DPP6: variants seen among roughly 807,000 people sequenced by gnomAD.
The protein encoded by DPP6 is dipeptidyl peptidase like 6.
Under a neutral mutation model 122.6 loss-of-function variants are expected in DPP6, and 69 were observed. That is an observed-to-expected ratio of 0.56 (90% confidence interval 0.46 to 0.69). DPP6 has a LOEUF of 0.69. DPP6 is among the 30% of genes least tolerant of loss of function. The pLI is 0.00. For synonymous variants in DPP6, 418 were observed against 433.1 expected, an observed-to-expected ratio of 0.97 and a Z score of 0.43; for missense variants, 928 against 1,116.9, an observed-to-expected ratio of 0.83 and a Z score of 2.41.
chr7:154,117,075 A>G (rs1214267358), intron 1 of DPP6, among the ~76,000 whole-genome samples: 1 of 151,854 alleles, frequency 6.6e-6, no homozygotes, highest in East Asian at 1.9e-4. Context: ...TACAAATTAA[A>G]AGAATTTCTT....
At chr7:154,151,639 C>T (rs989268707) in intron 1 of DPP6, among the ~76,000 whole-genome samples, 3 of 152,290 alleles carry the variant, frequency 2.0e-5, no homozygotes, top group African/African-American at 7.2e-5. Context: ...CCCTTGCCCT[C>T]CCTCAGGGAC....
the DPP6 span, among the ~76,000 whole-genome samples, chr7:153,769,162 G>A: frequency 9.1e-4 from 138 of 152,306 alleles, no homozygotes; most frequent in Middle Eastern, 3.4e-3. Context: ...GTAATTATGA[G>A]TTTTTGCTGA....
At chr7:153,881,085 A>C in the DPP6 span, among the ~76,000 whole-genome samples, 17 of 152,324 alleles carry the variant, frequency 1.1e-4, 1 homozygote, top group Admixed American at 9.8e-4. Flanking sequence ...AGTATAGTGG[A>C]AGAGGCAGCA....
chr7:154,376,854 C>T (rs944615575), intron 1 of DPP6, among the ~76,000 whole-genome samples: 5 of 152,136 alleles, frequency 3.3e-5, no homozygotes, highest in African/African-American at 9.7e-5. Context: ...GAATTTTTCT[C>T]GTCTAATAAG....
intron 1 of DPP6, among the ~76,000 whole-genome samples, chr7:154,060,716 G>GGA (rs1801684447): frequency 5.5e-5 from 7 of 126,892 alleles, no homozygotes; most frequent in South Asian, 2.6e-4. Flanking sequence ...CCCCATCGCA[G>GGA]GGGGGGAGGC....
chr7:154,685,432 G>T (rs889883132), intron 7 of DPP6, among the ~76,000 whole-genome samples: 1 of 152,162 alleles, frequency 6.6e-6, no homozygotes, highest in Non-Finnish European at 1.5e-5. Flanking sequence ...GGTTCGTTTG[G>T]ACCAGGGTGG....
the DPP6 span, among the ~76,000 whole-genome samples, chr7:153,768,762 A>T: frequency 6.6e-6 from 1 of 152,154 alleles, no homozygotes; most frequent in Non-Finnish European, 1.5e-5. Context: ...TATGCATTGC[A>T]GTGTATTTAC....
chr7:154,077,984 T>C lies in DPP6; in HGVS notation c.243+24921T>C, dbSNP rs115176605. On this transcript the variant is annotated intron_variant, in intron 1 of 25. Coordinates refer to ENST00000377770, the MANE Select transcript of DPP6 (RefSeq NM_130797.4). ...GCTCCCGGCCAATAGATTATAGATA[T>C]AATTTTTCTGTTATTATTTCTTTCA... Among the ~76,000 whole-genome samples, 722 of 152,264 alleles carry C rather than the reference T, an allele frequency of 4.7e-3. 5 individuals carry two copies. Among genetic ancestry groups the C allele is most frequent in the African/African-American group, 0.017 (688 of 41,546 alleles).
At chr7:154,158,850 C>T (rs114702698) in intron 1 of DPP6, among the ~76,000 whole-genome samples, 1,587 of 151,588 alleles carry the variant, frequency 0.01, 46 homozygotes, top group African/African-American at 0.037. Context: ...GCCCAGGGAA[C>T]ATAGCTGGGC....
At chr7:154,067,658 G>A (rs567792611) in intron 1 of DPP6, among the ~76,000 whole-genome samples, 30 of 152,238 alleles carry the variant, frequency 2.0e-4, no homozygotes, top group African/African-American at 6.7e-4. Flanking sequence ...AAGCAGACAC[G>A]TGAGATTTCT....
At chr7:153,954,829 T>C (rs1004803098) in intron 1 of DPP6, among the ~76,000 whole-genome samples, 1 of 152,328 alleles carries the variant, frequency 6.6e-6, no homozygotes, top group Admixed American at 6.5e-5. Flanking sequence ...TCCACGATCA[T>C]GTGAACCAAT....
intron 5 of DPP6, among the ~76,000 whole-genome samples, chr7:154,575,441 GGTGT>G (rs1563879589): frequency 2.6e-5 from 1 of 37,954 alleles, no homozygotes; most frequent in African/African-American, 1.9e-4. Flanking sequence ...GTATGTGTGT[GGTGT>G]GTGTATGTGT....
intron 7 of DPP6, among the ~76,000 whole-genome samples, chr7:154,695,632 A>G (rs1275373621): frequency 6.6e-6 from 1 of 152,026 alleles, no homozygotes; most frequent in African/African-American, 2.4e-5. Flanking sequence ...CCTCCAGGAG[A>G]TGGGGCAGAC....
At chr7:154,034,169 T>A (rs1247024252) in intron 1 of DPP6, among the ~76,000 whole-genome samples, 4 of 152,212 alleles carry the variant, frequency 2.6e-5, no homozygotes, top group Admixed American at 2.0e-4. Flanking sequence ...TTGTTCCTTC[T>A]AGGAAATAGT....
intron 1 of DPP6, among the ~76,000 whole-genome samples, chr7:154,146,669 A>G (rs1250125929): frequency 1.3e-5 from 2 of 152,322 alleles, no homozygotes; most frequent in Admixed American, 1.3e-4. Flanking sequence ...CCACCTCTAT[A>G]TTTGGCCTGC....
chr7:154,304,005 C>T (rs1259516275), intron 1 of DPP6, among the ~76,000 whole-genome samples: 2 of 152,180 alleles, frequency 1.3e-5, no homozygotes, highest in African/African-American at 4.8e-5. Context: ...TCTAGTTGGC[C>T]TCTTTTCTGT....
intron 1 of DPP6, among the ~76,000 whole-genome samples, chr7:154,427,292 T>G (rs1294279800): frequency 6.6e-6 from 1 of 152,228 alleles, no homozygotes. Context: ...AAGTGAAATT[T>G]GTATGTTTTT....
At chr7:154,222,233 C>A (rs998949085) in intron 1 of DPP6, among the ~76,000 whole-genome samples, 5 of 152,332 alleles carry the variant, frequency 3.3e-5, no homozygotes, top group African/African-American at 1.2e-4. Context: ...AGCATATCTT[C>A]CAATGCACAA....
chr7:154,758,071 C>T (rs945509775), intron 8 of DPP6, among the ~76,000 whole-genome samples: 13 of 152,374 alleles, frequency 8.5e-5, no homozygotes, highest in African/African-American at 3.1e-4. Flanking sequence ...TCCACTCCCC[C>T]TTCAGGTGGG....
Sources: allele counts gnomAD v4.1 joint callset (sites outside exome capture counted in the v4.1 genomes callset), GRCh38; gene constraint gnomAD v4.1.1; transcripts MANE v1.5; gene names NCBI Gene and HGNC (gene_info 2026-07-23, HGNC 2026-07-21).